Variants in ATAD2B observed in about 807,000 individuals in gnomAD.
The protein encoded by ATAD2B is ATPase family AAA domain containing 2B.
A neutral mutation model predicts 167.6 loss-of-function variants in ATAD2B; 40 were observed. The observed-to-expected ratio is 0.24, with a 90% CI of 0.19 to 0.31. The LOEUF is 0.31. ATAD2B is among the 10% of genes least tolerant of loss of function. The pLI, the probability that ATAD2B is intolerant of heterozygous loss-of-function variation, is 1.00. For missense variants in ATAD2B, 1,242 were observed against 1,757.2 expected, an observed-to-expected ratio of 0.71 and a Z score of 5.24; for synonymous variants, 579 against 596.5, an observed-to-expected ratio of 0.97 and a Z score of 0.43.
intron 25 of ATAD2B, among the ~76,000 whole-genome samples, chr2:23,756,729 C>A: frequency 6.6e-6 from 1 of 152,158 alleles, no homozygotes; most frequent in East Asian, 1.9e-4. Flanking sequence ...TTCTTTCCCC[C>A]ACTATTGGAC....
intron 26 of ATAD2B, among the ~76,000 whole-genome samples, 155 bp from the exon 27 acceptor site, chr2:23,754,462 A>T (rs1278278182): frequency 6.6e-6 from 1 of 152,174 alleles, no homozygotes; most frequent in Non-Finnish European, 1.5e-5. Flanking sequence ...ATTCCCTTAG[A>T]ATATCTTGGA....
chr2:23,734,282 G>A, the ATAD2B span, among the ~76,000 whole-genome samples: 9 of 151,966 alleles, frequency 5.9e-5, no homozygotes, highest in Non-Finnish European at 1.0e-4. Flanking sequence ...TCAGTCTCCC[G>A]AGTAGCTGGG....
chr2:23,915,386 G>A (rs566313296), intron 1 of ATAD2B, among the ~76,000 whole-genome samples: 2 of 150,660 alleles, frequency 1.3e-5, no homozygotes, highest in South Asian at 4.2e-4. Flanking sequence ...GGGGACATAC[G>A]GTCACCCTAC....
At chr2:23,747,730 T>A (rs1166116056), downstream of ATAD2B, among the ~76,000 whole-genome samples, 1 of 152,124 alleles carries the variant, frequency 6.6e-6, no homozygotes, top group Non-Finnish European at 1.5e-5. Flanking sequence ...CCCACATGCC[T>A]GGCATAATGT....
chr2:23,789,440 C>T (rs1464908747), intron 19 of ATAD2B, among the ~76,000 whole-genome samples: 1 of 152,114 alleles, frequency 6.6e-6, no homozygotes, highest in African/African-American at 2.4e-5. Flanking sequence ...TCTTATTCAC[C>T]TATTTTTCTA....
the ATAD2B span, among the ~76,000 whole-genome samples, chr2:23,737,750 G>A: frequency 1.7e-4 from 26 of 152,270 alleles, no homozygotes; most frequent in Non-Finnish European, 2.8e-4. Context: ...AAACTACTCC[G>A]AGCTACAGGA....
chr2:23,867,128 T>C (rs1410274865), intron 10 of ATAD2B, among the ~76,000 whole-genome samples: 1 of 152,204 alleles, frequency 6.6e-6, no homozygotes, highest in African/African-American at 2.4e-5. Context: ...CCACTTGTAG[T>C]ATACCTCAGA....
At chr2:23,800,350 A>C (rs952023851) in intron 18 of ATAD2B, among the ~76,000 whole-genome samples, 2 of 152,212 alleles carry the variant, frequency 1.3e-5, no homozygotes, top group Non-Finnish European at 2.9e-5. Context: ...CCTTTAAAAA[A>C]ATGAAATTTT....
At chr2:23,752,125 G>A (rs1675415610) in intron 27 of ATAD2B, 38 bp from the exon 28 acceptor site, 2 of 1,423,948 alleles carry the variant, frequency 1.4e-6, no homozygotes, top group East Asian at 4.9e-5. Flanking sequence ...TCTATTAAGG[G>A]AAAGACAAAA....
chr2:23,833,191 C>T (rs542128350), intron 14 of ATAD2B, among the ~76,000 whole-genome samples: 4 of 152,194 alleles, frequency 2.6e-5, no homozygotes, highest in Admixed American at 2.0e-4. Context: ...CCATACAGTC[C>T]GAATCACTTA....
chr2:23,695,910 C>T, the ATAD2B span: 1 of 1,544,466 alleles, frequency 6.5e-7, no homozygotes, highest in Non-Finnish European at 8.7e-7. This position sits in a 1 kb window ranked among gnomAD's most constrained non-coding sequence, Gnocchi z 7.6. Context: ...TGCCGACAGT[C>T]TTAGAGTGTG....
At chr2:23,822,345 A>T (rs1462175071) in intron 16 of ATAD2B, among the ~76,000 whole-genome samples, 1 of 150,190 alleles carries the variant, frequency 6.7e-6, no homozygotes, top group Non-Finnish European at 1.5e-5. Context: ...GACCAGCCTG[A>T]TCAATATGGT....
intron 1 of ATAD2B, among the ~76,000 whole-genome samples, chr2:23,922,674 C>A (rs1489508737): frequency 6.9e-6 from 1 of 145,350 alleles, no homozygotes; most frequent in African/African-American, 2.6e-5. Flanking sequence ...ACCACTCCAG[C>A]CTGGGCATCA....
At chr2:23,744,543 T>G (rs1361090204), downstream of ATAD2B, among the ~76,000 whole-genome samples, 1 of 152,202 alleles carries the variant, frequency 6.6e-6, no homozygotes, top group African/African-American at 2.4e-5. Flanking sequence ...TCTAAGTGCT[T>G]TACATATATT....
the ATAD2B span, chr2:23,703,135 C>T: frequency 3.0e-6 from 4 of 1,317,378 alleles, no homozygotes; most frequent in East Asian, 3.0e-5. Flanking sequence ...GTGACCTCTG[C>T]CCCGCACAAG....
intron 6 of ATAD2B, among the ~76,000 whole-genome samples, chr2:23,882,385 A>G (rs1698047955): frequency 1.3e-5 from 2 of 151,158 alleles, no homozygotes. Flanking sequence ...TGGTAGAGAC[A>G]GGGTTTCACT....
chr2:23,774,854 C>T (rs1246985826), intron 22 of ATAD2B, among the ~76,000 whole-genome samples: 1 of 152,076 alleles, frequency 6.6e-6, no homozygotes, highest in Admixed American at 6.5e-5. Context: ...GAGCTGAGAT[C>T]GTGCCATTGT....
At chr2:23,769,313 C>A (rs1027124807) in intron 22 of ATAD2B, among the ~76,000 whole-genome samples, 4 of 152,022 alleles carry the variant, frequency 2.6e-5, no homozygotes. Context: ...TGGAGGCAGG[C>A]GCCTGTAATC....
At chr2:23,921,929 C>T (rs1012868839) in intron 1 of ATAD2B, among the ~76,000 whole-genome samples, 2 of 152,172 alleles carry the variant, frequency 1.3e-5, no homozygotes, top group African/African-American at 4.8e-5. Context: ...TCTTTTACCT[C>T]TTTAACCCTC....
Sources: gnomAD v4.1 joint callset for allele counts (sites outside exome capture counted in the v4.1 genomes callset) on GRCh38, gnomAD v4.1.1 for gene constraint, Gnocchi (gnomAD v3.1) non-coding constraint, MANE v1.5 for transcripts, NCBI Gene and HGNC (gene_info 2026-07-23, HGNC 2026-07-21) for gene names.